ANKS1B: variants seen among roughly 807,000 people sequenced by gnomAD.
The protein encoded by ANKS1B is ankyrin repeat and sterile alpha motif domain-containing protein 1B.
Under a neutral mutation model 148.3 loss-of-function variants are expected in ANKS1B, and 36 were observed. That is an observed-to-expected ratio of 0.24 (90% CI 0.19 to 0.32). The LOEUF (loss-of-function observed/expected upper bound fraction) is 0.32. Ranked by LOEUF, ANKS1B falls within the 10% of genes least tolerant of loss-of-function variation. The pLI is 1.00. For missense variants in ANKS1B, 1,157 were observed against 1,542.6 expected (o/e 0.75, Z 4.19); for synonymous variants, 542 against 560.8 (o/e 0.97, Z 0.47).
At chr12:98,820,119 C>T (rs891518959) in intron 19 of ANKS1B, among the ~76,000 whole-genome samples, 2 of 152,154 alleles carry the variant, frequency 1.3e-5, no homozygotes, top group African/African-American at 4.8e-5. Flanking sequence ...TGCATTGGAG[C>T]ATTTGGGGTT....
At chr12:99,327,248 A>T (rs1313749217) in intron 12 of ANKS1B, among the ~76,000 whole-genome samples, 2 of 110,170 alleles carry the variant, frequency 1.8e-5, no homozygotes, top group South Asian at 2.4e-4. Flanking sequence ...ATTATAATTT[A>T]TTATAATTAT....
chr12:99,395,128 C>T (rs2094202813), intron 12 of ANKS1B, among the ~76,000 whole-genome samples: 2 of 152,136 alleles, frequency 1.3e-5, no homozygotes, highest in South Asian at 4.1e-4. Flanking sequence ...CACCTGTGAT[C>T]TTAGCTGCTT....
chr12:99,360,691 C>T (rs984779678), intron 12 of ANKS1B, among the ~76,000 whole-genome samples: 5 of 152,098 alleles, frequency 3.3e-5, no homozygotes, highest in Non-Finnish European at 5.9e-5. Context: ...GAGCCTGGGT[C>T]TCTCAATGAA....
chr12:98,957,171 A>G (rs1250124809), intron 17 of ANKS1B, among the ~76,000 whole-genome samples: 1 of 152,136 alleles, frequency 6.6e-6, no homozygotes, highest in Non-Finnish European at 1.5e-5. Context: ...CCCAAAAGGG[A>G]AAAAAGCCTC....
intron 17 of ANKS1B, among the ~76,000 whole-genome samples, chr12:98,874,767 C>T (rs1032123588): frequency 9.2e-5 from 14 of 152,166 alleles, no homozygotes; most frequent in African/African-American, 2.9e-4. Flanking sequence ...GAAATGCACA[C>T]ATGAAAGGAG....
In ANKS1B at chr12:99,405,266, T is replaced by A. The variant is rs1031573111; in HGVS notation, c.1576-5455A>T. On this transcript the variant is annotated intron_variant, in intron 11 of 26. Coordinates refer to ENST00000683438, the MANE Select transcript of ANKS1B (RefSeq NM_001352186.2). ...GAATAGTATAACACTGTAATTGGGATGTGTGAACTCATATTTTGAGGTGAC... is the reference window on the plus strand; with the variant it reads ...GAATAGTATAACACTGTAATTGGGAAGTGTGAACTCATATTTTGAGGTGAC... Among the ~76,000 whole-genome samples, 11 of 145,616 alleles carry A rather than the reference T, an allele frequency of 7.6e-5. 3 individuals carry two copies. Among genetic ancestry groups the A allele is most frequent in the Non-Finnish European group, 1.4e-4 (9 of 65,796 alleles).
intron 12 of ANKS1B, among the ~76,000 whole-genome samples, chr12:99,251,404 T>C (rs2074573755): frequency 6.6e-6 from 1 of 152,226 alleles, no homozygotes; most frequent in African/African-American, 2.4e-5. Flanking sequence ...AAGTATACTT[T>C]GGAAAGAATT....
intron 4 of ANKS1B, among the ~76,000 whole-genome samples, chr12:99,798,966 C>A (rs940543938): frequency 6.6e-5 from 10 of 152,194 alleles, no homozygotes; most frequent in African/African-American, 2.2e-4. Context: ...AACATACACA[C>A]CTTTCCACTA....
intron 15 of ANKS1B, among the ~76,000 whole-genome samples, chr12:99,101,952 T>A (rs978131624): frequency 6.6e-6 from 1 of 151,840 alleles, no homozygotes; most frequent in African/African-American, 2.4e-5. Context: ...AGGCTGAAGT[T>A]TGGGGAGAGG....
At chr12:99,649,434 G>A (rs1333037887) in intron 9 of ANKS1B, 1 of 1,520,784 alleles carries the variant, frequency 6.6e-7, no homozygotes. Flanking sequence ...ACGTTCAAGA[G>A]TTCACACACC....
At chr12:98,906,523 C>T (rs1194002985) in intron 17 of ANKS1B, among the ~76,000 whole-genome samples, 5 of 152,090 alleles carry the variant, frequency 3.3e-5, no homozygotes, top group South Asian at 2.1e-4. Context: ...AGGAGGAGTC[C>T]GTGTCTCTGC....
chr12:99,831,110 T>C (rs1230969480), intron 1 of ANKS1B, among the ~76,000 whole-genome samples: 1 of 152,100 alleles, frequency 6.6e-6, no homozygotes, highest in Non-Finnish European at 1.5e-5. Flanking sequence ...CCACACTATC[T>C]TTGGGTCTTA....
rs1436203378 is a variant in ANKS1B, at chr12:99,897,964, T to G, written c.135-72575A>C. On this transcript the variant is annotated intron_variant, in intron 1 of 26. Transcript: ENST00000683438. ...AAGATTAAGTAGGTGAAACTTACACTGAGAAATAACAGAAATATTTAGATA... is the reference window on the plus strand; with the variant it reads ...AAGATTAAGTAGGTGAAACTTACACGGAGAAATAACAGAAATATTTAGATA... 2.1e-5 allele frequency among the ~76,000 whole-genome samples: 3 copies of G among 140,798 alleles called. 1 individual carries two copies. The highest frequency in any genetic ancestry group is 5.0e-5 in the Non-Finnish European group (3 of 60,448). 92.4% of individuals were successfully genotyped at this position (140,798 alleles called of 152,430 possible).
At chr12:99,946,257 T>G (rs1365327952) in intron 1 of ANKS1B, among the ~76,000 whole-genome samples, 2 of 152,172 alleles carry the variant, frequency 1.3e-5, no homozygotes, top group Non-Finnish European at 1.5e-5. Flanking sequence ...AATTCTCCAT[T>G]CTTGGCTAGA....
At chr12:98,749,192 G>A (rs1173623834) in intron 26 of ANKS1B, among the ~76,000 whole-genome samples, 4 of 151,918 alleles carry the variant, frequency 2.6e-5, no homozygotes, top group Non-Finnish European at 2.9e-5. Context: ...TCCGCCTCCC[G>A]GGTGCAAGCC....
intron 18 of ANKS1B, chr12:98,831,051 G>T (rs910176378): frequency 7.0e-6 from 1 of 143,028 alleles, no homozygotes; most frequent in Non-Finnish European, 1.5e-5. Context: ...GGGTTCAAGC[G>T]ATTCTCCTGC....
chr12:99,614,900 A>G (rs542867692), intron 9 of ANKS1B, among the ~76,000 whole-genome samples: 2 of 151,662 alleles, frequency 1.3e-5, no homozygotes, highest in Non-Finnish European at 2.9e-5. Context: ...AGGAAAAAAA[A>G]AAAGTTGCTT....
At chr12:99,964,316 G>A (rs949767282) in intron 1 of ANKS1B, among the ~76,000 whole-genome samples, 1 of 152,194 alleles carries the variant, frequency 6.6e-6, no homozygotes, top group African/African-American at 2.4e-5. Flanking sequence ...AGCCAATGCT[G>A]ACTTTGAAAG....
chr12:99,530,701 T>C (rs7305318), intron 9 of ANKS1B, among the ~76,000 whole-genome samples: 14 of 152,286 alleles, frequency 9.2e-5, no homozygotes, highest in African/African-American at 3.4e-4. Flanking sequence ...CAGAGGTTAG[T>C]ATCTGTATGG....
Sources: allele counts gnomAD v4.1 joint callset (sites outside exome capture counted in the v4.1 genomes callset), GRCh38; gene constraint gnomAD v4.1.1; transcripts MANE v1.5; gene names NCBI Gene and HGNC (gene_info 2026-07-23, HGNC 2026-07-21).